The following TLE2 variants were observed in gnomAD, a reference collection of about 807,000 sequenced individuals.
TLE2 encodes the protein transducin-like enhancer protein 2.
A neutral mutation model predicts 97.2 loss-of-function variants in TLE2; 74 were observed. That is an observed-to-expected ratio of 0.76 (90% CI 0.63 to 0.92). The LOEUF is 0.92. TLE2 is among the 40% of genes least tolerant of loss of function. TLE2 has a pLI of 0.00. For synonymous variants in TLE2, 499 were observed against 432.1 expected (o/e 1.15, Z -1.92); for missense variants, 1,038 against 1,008.7 (o/e 1.03, Z -0.39).
intron 4 of TLE2, 107 bp downstream of exon 4, chr19:3,027,722 C>T (rs1224468946): frequency 2.2e-5 from 24 of 1,089,054 alleles, no homozygotes; most frequent in Middle Eastern, 2.1e-4. Flanking sequence ...GGATGAGACC[C>T]GTGTTCCCTA....
chr19:3,013,702 G>C lies in TLE2; in HGVS notation c.840C>G (p.Gly280=), dbSNP rs749574202. The C allele has an allele frequency of 2.0e-6, 3 of 1,500,816 alleles. No individual in the cohort carries two copies. The South Asian group carries it at 4.2e-5, about 21-fold the overall frequency. 93.0% of individuals were successfully genotyped at this position (1,500,816 alleles called of 1,614,324 possible). ...GCTCCTTGGCTCTAGGCAGCGGTGA[G>C]CCAAGGCTAGAGGCCAAGGAGGCTG... is the stretch of plus-strand genomic sequence containing the variant. The part of the protein sequence containing the change: ...DSPASLASSL[G]SPLPRAKELI... Residue 280 remains glycine, a synonymous_variant, in exon 11 of 20, where the codon GGC becomes GGG. Coordinates refer to ENST00000262953, the MANE Select transcript of TLE2 (RefSeq NM_003260.5).
chr19:3,011,951 A>G (rs1424147996), intron 11 of TLE2, among the ~76,000 whole-genome samples: 1 of 151,764 alleles, frequency 6.6e-6, no homozygotes, highest in Non-Finnish European at 1.5e-5. Context: ...TGCTCTCAAA[A>G]CTAACATGAT....
At chr19:3,043,548 G>A (rs985839039) in intron 1 of TLE2, among the ~76,000 whole-genome samples, 2 of 151,614 alleles carry the variant, frequency 1.3e-5, no homozygotes, top group Non-Finnish European at 2.9e-5. Context: ...CTGTAATCCC[G>A]GCAGTTTGGG....
intron 10 of TLE2, 75 bp from the exon 11 acceptor site, chr19:3,013,893 G>C: frequency 7.6e-7 from 1 of 1,319,250 alleles, no homozygotes; most frequent in Non-Finnish European, 9.8e-7. Context: ...TCCTCCTCCC[G>C]ACTCCCACCC....
chr19:3,015,563 TG>T, intron 9 of TLE2, 89 bp downstream of exon 9: 3 of 1,001,424 alleles, frequency 3.0e-6, no homozygotes, highest in Non-Finnish European at 3.0e-6. Context: ...GAGAGAATTA[TG>T]GCCAGAGCTG....
upstream of TLE2, among the ~76,000 whole-genome samples, chr19:3,032,475 T>C (rs2090032881): frequency 6.6e-6 from 1 of 152,132 alleles, no homozygotes; most frequent in Non-Finnish European, 1.5e-5. The surrounding 1 kb of genome is among the most constrained non-coding windows in gnomAD (Gnocchi z 4.1). Context: ...TGACCTCAGA[T>C]GATCCACCCT....
At chr19:3,043,364 C>CTTTTTTT (rs71337196) in intron 1 of TLE2, among the ~76,000 whole-genome samples, 6 of 108,896 alleles carry the variant, frequency 5.5e-5, no homozygotes, top group East Asian at 2.9e-4. Context: ...CCTTCTGCAG[C>CTTTTTTT]TTTTTTTTTT....
chr19:3,028,337 C>A lies in TLE2; in HGVS notation c.168G>T (p.Met56Ile), dbSNP rs1157265349. The change falls in exon 3 of 20, where the codon ATG (methionine) becomes ATT (isoleucine). Residue 56 changes from methionine to isoleucine, a missense_variant. By Grantham distance (10) the Met-to-Ile change is conservative. Coordinates refer to ENST00000262953, the MANE Select transcript of TLE2 (RefSeq NM_003260.5). Reference sequence around the variant, plus strand: ...CCCTCACCATGACATAATGTCGCTGCATTTCCGTCTTCTCGCTGGCCAGCT... The same window carrying A: ...CCCTCACCATGACATAATGTCGCTGAATTTCCGTCTTCTCGCTGGCCAGCT... ...CEKLASEKTEMQRHYVMYYEM... is the reference protein window; with the variant it reads ...CEKLASEKTEIQRHYVMYYEM... 1 of 1,609,836 alleles carries A rather than the reference C, an allele frequency of 6.2e-7. No homozygotes were observed. The highest frequency in any genetic ancestry group is 8.5e-7 in the Non-Finnish European group (1 of 1,178,034).
chr19:3,013,799 G>T lies in TLE2; in HGVS notation c.743C>A (p.Pro248His). The change falls in exon 11 of 20, where the codon CCC (proline) becomes CAC (histidine). Residue 248 changes from proline (P) to histidine (H), a missense_variant. Pro to His is a moderately conservative substitution (Grantham distance 77, BLOSUM62 -2). Coordinates refer to ENST00000262953, the MANE Select transcript of TLE2 (RefSeq NM_003260.5). ...VVDEDQPSEP[P>H]SPATTPCGKV... ...TCCGCAGGGGGTGGTAGCCGGGCTG[G>T]GGGGCTCTGAGGGTTGGTCCTGGGT... The T allele has an allele frequency of 6.4e-7, 1 of 1,551,486 alleles. No homozygotes were observed. Among genetic ancestry groups the T allele is most frequent in the Non-Finnish European group, 8.7e-7 (1 of 1,153,614 alleles).
At chr19:3,028,668 A>C in intron 2 of TLE2, 38 bp downstream of exon 2, 1 of 1,601,766 alleles carries the variant, frequency 6.2e-7, no homozygotes, top group Non-Finnish European at 8.5e-7. Flanking sequence ...CCCGGCGCCC[A>C]GGTGAACTCC....
chr19:3,016,762 G>A (rs1318870685), intron 8 of TLE2, among the ~76,000 whole-genome samples: 1 of 151,840 alleles, frequency 6.6e-6, no homozygotes, highest in South Asian at 2.1e-4. Context: ...TTAATTACCC[G>A]AAAAAAGCTG....
Position 3,006,433 on chromosome 19 carries a change from T to C in TLE2, c.1487A>G (p.Gln496Arg). Residue 496 changes from glutamine to arginine, a missense_variant, in exon 15 of 20, where the codon CAG (glutamine) becomes CGG (arginine). Transcript: ENST00000262953. ...GQPGAKTPVAQLDCLNRDNYI... is the reference protein window; with the variant it reads ...GQPGAKTPVARLDCLNRDNYI... The stretch of plus-strand genomic sequence containing the variant: ...CCCCGCCCTCACCAGGCAGTCGAGC[T>C]GGGCCACGGGCGTCTTGGCCCCAGG... The C allele has an allele frequency of 2.5e-6, 4 of 1,610,272 alleles. No individual in the cohort carries two copies. Among genetic ancestry groups the C allele is most frequent in the Non-Finnish European group, 3.4e-6 (4 of 1,179,486 alleles).
rs117298441 is a variant in TLE2, at chr19:3,043,258, A to G, written c.63+2468T>C. On this transcript the variant is annotated intron_variant, in intron 1 of 18. Transcript: ENST00000426948. ...AGCCTCCCAAGTAGCTGAGACCACA[A>G]TCGTACACTACCATGCCCGGCCTGG... is the stretch of plus-strand genomic sequence containing the variant. 7.1e-3 allele frequency among the ~76,000 whole-genome samples: 1,067 copies of G among 151,140 alleles called. 4 individuals carry two copies. Among genetic ancestry groups the G allele is most frequent in the Non-Finnish European group, 0.012 (782 of 67,916 alleles).
chr19:3,028,782 G>A lies in TLE2; in HGVS notation c.46C>T (p.Pro16Ser). ...ATCTCCAAGATCGAGAACTTGAAGGGCTGGCCGGACTGGAGCGGGGTCTGG... is the reference window on the plus strand; with the variant it reads ...ATCTCCAAGATCGAGAACTTGAAGGACTGGCCGGACTGGAGCGGGGTCTGG... The part of the protein sequence containing the change: ...RHPTPLQSGQ[P>S]FKFSILEICD... The change falls in exon 2 of 20, where the codon CCC becomes TCC. Residue 16 changes from proline (P) to serine (S), a missense_variant. Coordinates refer to ENST00000262953, the MANE Select transcript of TLE2 (RefSeq NM_003260.5). 1 of 1,612,832 alleles carries A rather than the reference G, an allele frequency of 6.2e-7. No individual in the cohort carries two copies.
upstream of TLE2, chr19:3,029,563 G>GGC: frequency 3.8e-6 from 2 of 521,338 alleles, no homozygotes; most frequent in Non-Finnish European, 4.9e-6. Flanking sequence ...GGGAGCGGGG[G>GGC]GGGGGGCTTG....
intron 1 of TLE2, chr19:3,045,717 G>C (rs1329455202): frequency 2.3e-6 from 1 of 443,176 alleles, no homozygotes; most frequent in Non-Finnish European, 4.6e-6. Flanking sequence ...TGTAATCCCA[G>C]CTACTCGCCT....
At chr19:3,029,458 A>C (rs1599248603), upstream of TLE2, 4 of 965,650 alleles carry the variant, frequency 4.1e-6, no homozygotes, top group African/African-American at 5.6e-5. Context: ...CCGGGTGGGG[A>C]GGCGCCCAGT....
chr19:2,999,279 G>A (rs2055959915), intron 19 of TLE2, among the ~76,000 whole-genome samples: 1 of 151,550 alleles, frequency 6.6e-6, no homozygotes, highest in South Asian at 2.1e-4. Context: ...AGGACTCCGT[G>A]TCAAAAAAAC....
chr19:3,047,503 T>C (rs1462303972), upstream of TLE2: 1 of 108,912 alleles, frequency 9.2e-6, no homozygotes, highest in Non-Finnish European at 2.1e-5. Context: ...GGTGTCGGGC[T>C]TGTGACCCCC....
Sources: gnomAD v4.1 joint callset for allele counts (sites outside exome capture counted in the v4.1 genomes callset) on GRCh38, gnomAD v4.1.1 for gene constraint, Gnocchi (gnomAD v3.1) non-coding constraint, MANE v1.5 for transcripts, NCBI Gene and HGNC (gene_info 2026-07-23, HGNC 2026-07-21) for gene names.